SORCS1: variants seen among roughly 807,000 people sequenced by gnomAD.
SORCS1 encodes VPS10 domain-containing receptor SorCS1.
Under a neutral mutation model 146.1 loss-of-function variants are expected in SORCS1, and 60 were observed. The ratio of observed to expected loss-of-function variants is 0.41; its 90% CI spans 0.33 to 0.51. The LOEUF (loss-of-function observed/expected upper bound fraction) is 0.51. SORCS1 is among the 20% of genes least tolerant of loss of function. The pLI is 0.21. For synonymous variants in SORCS1, 637 were observed against 584.0 expected (o/e 1.09, Z -1.31); for missense variants, 1,352 against 1,487.6 (o/e 0.91, Z 1.50).
intron 3 of SORCS1, among the ~76,000 whole-genome samples, chr10:106,808,468 G>A (rs1349346646): frequency 6.6e-6 from 1 of 152,100 alleles, no homozygotes; most frequent in African/African-American, 2.4e-5. Flanking sequence ...AAACTGTGTG[G>A]TTTTGTGTGC....
intron 2 of SORCS1, among the ~76,000 whole-genome samples, chr10:106,916,762 T>G (rs935986742): frequency 1.1e-4 from 17 of 152,110 alleles, no homozygotes; most frequent in African/African-American, 3.1e-4. Context: ...TTTCTTTTAT[T>G]TTTTTGAGAC....
chr10:107,116,046 A>G (rs938246922), intron 1 of SORCS1, among the ~76,000 whole-genome samples: 13 of 152,080 alleles, frequency 8.5e-5, no homozygotes, highest in African/African-American at 3.1e-4. Context: ...CAGAAAAATG[A>G]AAAATGAAAC....
chr10:106,912,183 T>G (rs1952199689), intron 2 of SORCS1, among the ~76,000 whole-genome samples: 1 of 152,048 alleles, frequency 6.6e-6, no homozygotes. Context: ...TCTGCCACTT[T>G]AGGTTAACTG....
At chr10:106,983,780 A>G (rs1956335893) in intron 1 of SORCS1, among the ~76,000 whole-genome samples, 2 of 152,206 alleles carry the variant, frequency 1.3e-5, no homozygotes, top group Admixed American at 1.3e-4. Context: ...ACTAAATTGA[A>G]GAACTTAACA....
At chr10:106,763,854 A>G (rs201507734) in intron 4 of SORCS1, among the ~76,000 whole-genome samples, 1 of 152,236 alleles carries the variant, frequency 6.6e-6, no homozygotes, top group East Asian at 1.9e-4. Context: ...AAATTACTCT[A>G]AAATATCTAA....
At chr10:106,587,055 C>T (rs1167364985) in intron 24 of SORCS1, among the ~76,000 whole-genome samples, 1 of 152,056 alleles carries the variant, frequency 6.6e-6, no homozygotes, top group Admixed American at 6.6e-5. Context: ...AGATATATAT[C>T]TACATGATAA....
At chr10:107,023,743 T>C (rs936277425) in intron 1 of SORCS1, among the ~76,000 whole-genome samples, 1 of 152,116 alleles carries the variant, frequency 6.6e-6, no homozygotes, top group African/African-American at 2.4e-5. Flanking sequence ...TGCTGTTATT[T>C]TGAAAAATTT....
intron 5 of SORCS1, among the ~76,000 whole-genome samples, chr10:106,737,607 C>T (rs577715479): frequency 1.3e-5 from 2 of 152,130 alleles, no homozygotes; most frequent in South Asian, 4.2e-4. Context: ...CATCTGTAAT[C>T]CCAGCTACTC....
chr10:106,641,484 G>A (rs1234372194), intron 18 of SORCS1, among the ~76,000 whole-genome samples: 1 of 152,098 alleles, frequency 6.6e-6, no homozygotes, highest in Non-Finnish European at 1.5e-5. Context: ...ATTAGGACAT[G>A]CATTCTAATG....
intron 3 of SORCS1, among the ~76,000 whole-genome samples, chr10:106,794,120 T>A (rs1488336223): frequency 6.6e-6 from 1 of 152,184 alleles, no homozygotes; most frequent in Non-Finnish European, 1.5e-5. Context: ...TTGATGTAGA[T>A]AATATTGGCC....
At chr10:106,961,233 C>T (rs1049234438) in intron 1 of SORCS1, among the ~76,000 whole-genome samples, 1 of 152,138 alleles carries the variant, frequency 6.6e-6, no homozygotes, top group Non-Finnish European at 1.5e-5. Flanking sequence ...AACTAACCTG[C>T]CAGCAGCATA....
chr10:106,937,018 C>T (rs781576936), intron 2 of SORCS1, among the ~76,000 whole-genome samples: 3 of 152,274 alleles, frequency 2.0e-5, no homozygotes, highest in South Asian at 2.1e-4. Context: ...CCAGATGATA[C>T]GGTTTGGCTG....
chr10:107,084,773 C>A (rs758530050), intron 1 of SORCS1, among the ~76,000 whole-genome samples: 18 of 152,062 alleles, frequency 1.2e-4, no homozygotes, highest in Non-Finnish European at 2.9e-5. Flanking sequence ...TAAGTAAATT[C>A]TACAAAACCA....
At chr10:106,714,607 C>A (rs1855233127) in intron 6 of SORCS1, among the ~76,000 whole-genome samples, 1 of 152,028 alleles carries the variant, frequency 6.6e-6, no homozygotes, top group African/African-American at 2.4e-5. Flanking sequence ...GCATTATGGA[C>A]CTGAGTTTTT....
At chr10:106,622,963 C>T (rs746415840) in intron 19 of SORCS1, among the ~76,000 whole-genome samples, 1 of 152,176 alleles carries the variant, frequency 6.6e-6, no homozygotes, top group African/African-American at 2.4e-5. Flanking sequence ...GCACTTTCCA[C>T]CTGGTTTCAT....
chr10:106,578,885 A>T (rs1844723466), intron 25 of SORCS1: 1 of 1,408,758 alleles, frequency 7.1e-7, no homozygotes. Flanking sequence ...TAAACTAATG[A>T]GAGAAAAAAA....
chr10:106,638,005 TA>T (rs1381292334), intron 18 of SORCS1, among the ~76,000 whole-genome samples: 1 of 152,222 alleles, frequency 6.6e-6, no homozygotes, highest in African/African-American at 2.4e-5. Context: ...TGTAAGCAGA[TA>T]ATGACTATGA....
intron 6 of SORCS1, among the ~76,000 whole-genome samples, chr10:106,709,739 C>T (rs573273205): frequency 3.3e-5 from 5 of 152,232 alleles, no homozygotes; most frequent in East Asian, 3.9e-4. Flanking sequence ...TGAGCCACCG[C>T]GCCCAGCCAC....
At chr10:106,843,569 C>G (rs2137169349) in intron 2 of SORCS1, among the ~76,000 whole-genome samples, 1 of 151,482 alleles carries the variant, frequency 6.6e-6, no homozygotes, top group East Asian at 2.0e-4. Flanking sequence ...GTAGCTGGGA[C>G]TACAGGCATC....
Sources: allele counts gnomAD v4.1 joint callset (sites outside exome capture counted in the v4.1 genomes callset), GRCh38; gene constraint gnomAD v4.1.1; transcripts MANE v1.5; gene names NCBI Gene and HGNC (gene_info 2026-07-23, HGNC 2026-07-21).